AASDH: variants seen among roughly 807,000 people sequenced by gnomAD.
The protein encoded by AASDH is aminoadipate-semialdehyde dehydrogenase.
A neutral mutation model predicts 102.3 loss-of-function variants in AASDH; 81 were observed. The observed-to-expected ratio is 0.79, with a 90% CI of 0.66 to 0.95. The LOEUF (loss-of-function observed/expected upper bound fraction) is 0.95. Ranked by LOEUF, AASDH falls within the 40% of genes least tolerant of loss-of-function variation. AASDH has a pLI of 0.00. For missense variants in AASDH, 1,203 were observed against 1,266.2 expected (o/e 0.95, Z 0.76); for synonymous variants, 398 against 454.0 (o/e 0.88, Z 1.57).
intron 5 of AASDH, among the ~76,000 whole-genome samples, chr4:56,365,227 T>G (rs1750842033): frequency 1.3e-5 from 2 of 151,914 alleles, no homozygotes; most frequent in South Asian, 2.1e-4. Context: ...AGCAAGTCCT[T>G]AGAGACCTAC....
intron 5 of AASDH, chr4:56,356,922 A>G: frequency 1.1e-6 from 1 of 875,378 alleles, no homozygotes; most frequent in Non-Finnish European, 1.9e-6. Context: ...CTGCCACTAA[A>G]CTGGGTTAAA....
In AASDH at chr4:56,338,798, C is replaced by A. The variant is rs887875222; in HGVS notation, c.2908-7G>T. The A allele has an allele frequency of 4.3e-6, 7 of 1,610,274 alleles. No individual in the cohort carries two copies. Among genetic ancestry groups the A allele is most frequent in the Admixed American group, 1.7e-5 (1 of 59,586 alleles). On this transcript the variant is annotated splice_polypyrimidine_tract_variant and splice_region_variant and intron_variant, in intron 14 of 14. Transcript: ENST00000205214. Reference sequence around the variant, plus strand: ...TGGTAGAGAACTGCCAAACCTATAACAAGTAATAAAAATAAATATAATTCA... The same window carrying A: ...TGGTAGAGAACTGCCAAACCTATAAAAAGTAATAAAAATAAATATAATTCA...
At chr4:56,383,564 C>CT (rs1233238368) in intron 2 of AASDH, among the ~76,000 whole-genome samples, 1 of 152,166 alleles carries the variant, frequency 6.6e-6, no homozygotes, top group Non-Finnish European at 1.5e-5. Flanking sequence ...GGATAACATT[C>CT]TAGAACAATT....
chr4:56,372,518 T>C (rs567539031), intron 4 of AASDH, among the ~76,000 whole-genome samples: 1 of 152,360 alleles, frequency 6.6e-6, no homozygotes, highest in South Asian at 2.1e-4. Flanking sequence ...TTATACAGCA[T>C]GGATAGTCAT....
At chr4:56,352,213 T>A (rs1421974610) in intron 9 of AASDH, among the ~76,000 whole-genome samples, 1 of 152,184 alleles carries the variant, frequency 6.6e-6, no homozygotes, top group Non-Finnish European at 1.5e-5. Context: ...ATTGTATGTG[T>A]CAATGTGGGT....
intron 5 of AASDH, among the ~76,000 whole-genome samples, chr4:56,367,306 A>G (rs1751132890): frequency 1.3e-5 from 2 of 150,940 alleles, no homozygotes; most frequent in South Asian, 4.2e-4. Context: ...GGTAATTTAT[A>G]GATTCAATGC....
chr4:56,375,985 C>T (rs1481877513), intron 4 of AASDH, among the ~76,000 whole-genome samples: 1 of 151,212 alleles, frequency 6.6e-6, no homozygotes, highest in Non-Finnish European at 1.5e-5. Flanking sequence ...ACCCCTTCTA[C>T]CAATTCCCCA....
At chr4:56,366,670 AC>A (rs1481615778) in intron 5 of AASDH, among the ~76,000 whole-genome samples, 2 of 151,098 alleles carry the variant, frequency 1.3e-5, no homozygotes, top group East Asian at 1.9e-4. Flanking sequence ...AAATTCAACA[AC>A]CCTTCATGCT....
At chr4:56,356,804 A>G in intron 5 of AASDH, 1 of 761,880 alleles carries the variant, frequency 1.3e-6, no homozygotes, top group Non-Finnish European at 2.3e-6. Flanking sequence ...ATTAGGACCA[A>G]TTACAATGAC....
chr4:56,365,577 G>C (rs910759705), intron 5 of AASDH, among the ~76,000 whole-genome samples: 7 of 151,598 alleles, frequency 4.6e-5, no homozygotes, highest in African/African-American at 1.7e-4. Flanking sequence ...ACTCAAAACC[G>C]CTCAACTACA....
Position 56,387,438 on chromosome 4 carries a change from G to C in AASDH, c.-119C>G, listed in dbSNP as rs1331021564. 1 of 152,188 alleles carries C rather than the reference G, an allele frequency of 6.6e-6. No individual in the cohort carries two copies. Among genetic ancestry groups the C allele is most frequent in the Non-Finnish European group, 1.5e-5 (1 of 68,074 alleles). 9.4% of individuals were successfully genotyped at this position (152,188 alleles called of 1,614,324 possible). A position where few individuals can be genotyped will look rare whatever the true frequency, so the allele number is the denominator to read the frequency against. ...GCTCGTCGCGGATACTTCTCACAGC[G>C]AAGCAGCAGCTCCCAGAAGCCGTAA... On this transcript the variant is annotated 5_prime_UTR_variant, in exon 1 of 15. Transcript: ENST00000205214.
At chr4:56,350,128 T>TA in intron 10 of AASDH, 70 bp from the exon 11 acceptor site, 1 of 1,258,716 alleles carries the variant, frequency 7.9e-7, no homozygotes, top group Non-Finnish European at 1.1e-6. Flanking sequence ...CATTTACAGG[T>TA]AATATATAGA....
At chr4:56,368,040 C>A (rs1377149302) in intron 5 of AASDH, among the ~76,000 whole-genome samples, 5 of 152,148 alleles carry the variant, frequency 3.3e-5, no homozygotes, top group Admixed American at 6.6e-5. Context: ...CAAAAAACCC[C>A]ATCAACAAGT....
intron 1 of AASDH, among the ~76,000 whole-genome samples, chr4:56,386,518 G>A (rs1753565787): frequency 6.6e-6 from 1 of 152,136 alleles, no homozygotes; most frequent in African/African-American, 2.4e-5. Flanking sequence ...AAAAGGCCGG[G>A]CGCGGTGGCT....
intron 5 of AASDH, among the ~76,000 whole-genome samples, chr4:56,363,405 G>T (rs938793437): frequency 6.6e-6 from 1 of 152,242 alleles, no homozygotes; most frequent in Non-Finnish European, 1.5e-5. Flanking sequence ...CTTCAGATAT[G>T]AGAACGGGCA....
intron 10 of AASDH, 108 bp from the exon 11 acceptor site, chr4:56,350,166 A>T: frequency 1.9e-6 from 2 of 1,041,176 alleles, no homozygotes; most frequent in Non-Finnish European, 1.3e-6. Flanking sequence ...TAATAATTAG[A>T]AATATAGGTC....
At chr4:56,373,142 T>C (rs1751942183) in intron 4 of AASDH, among the ~76,000 whole-genome samples, 1 of 152,178 alleles carries the variant, frequency 6.6e-6, no homozygotes, top group African/African-American at 2.4e-5. Context: ...TTTCTAGTTT[T>C]TTTGTTTTTG....
At position 56,384,248 on chromosome 4, in the gene AASDH, C is replaced by T. The variant is rs1371887051; in HGVS notation, c.52G>A (p.Val18Ile). 1.2e-6 allele frequency: 2 copies of T among 1,614,110 alleles called. No homozygotes were observed. Among genetic ancestry groups the T allele is most frequent in the Middle Eastern group, 1.7e-4 (1 of 6,060 alleles). Reference protein sequence around the residue: ...HKAASCYMDRVAVCFDECNNQ... With the variant: ...HKAASCYMDRIAVCFDECNNQ... Reference sequence around the variant, plus strand: ...TTGCATTCATCAAAACATACAGCTACTCTGTCCATATAACAGGAGGCAGCC... The same window carrying T: ...TTGCATTCATCAAAACATACAGCTATTCTGTCCATATAACAGGAGGCAGCC... The change falls in exon 2 of 15, where the codon GTA (valine) becomes ATA (isoleucine). Residue 18 changes from valine (V) to isoleucine (I), a missense_variant. By Grantham distance (29) the Val-to-Ile change is conservative (BLOSUM62 3). Coordinates refer to ENST00000205214, the MANE Select transcript of AASDH (RefSeq NM_181806.4).
chr4:56,376,676 T>G (rs1286990194), intron 4 of AASDH, among the ~76,000 whole-genome samples: 2 of 152,238 alleles, frequency 1.3e-5, no homozygotes, highest in African/African-American at 4.8e-5. Context: ...TGAAGATGAT[T>G]AGCATAAAAA....
Sources: gnomAD v4.1 joint callset for allele counts (sites outside exome capture counted in the v4.1 genomes callset) on GRCh38, gnomAD v4.1.1 for gene constraint, MANE v1.5 for transcripts, NCBI Gene and HGNC (gene_info 2026-07-23, HGNC 2026-07-21) for gene names.